Variants in AKAP6 observed in about 807,000 individuals in gnomAD.
The protein encoded by AKAP6 is A-kinase anchoring protein 6, also known as A-kinase anchor protein 6.
A neutral mutation model predicts 188.5 loss-of-function variants in AKAP6; 58 were observed. The ratio of observed to expected loss-of-function variants is 0.31; its 90% CI spans 0.25 to 0.38. AKAP6 has a LOEUF of 0.38. Ranked by LOEUF, AKAP6 falls within the 10% of genes least tolerant of loss-of-function variation. AKAP6 has a pLI of 1.00. For missense variants in AKAP6, 2,710 were observed against 2,740.0 expected, an observed-to-expected ratio of 0.99 and a Z score of 0.24; for synonymous variants, 989 against 998.6, an observed-to-expected ratio of 0.99 and a Z score of 0.18.
chr14:32,774,650 A>G (rs1045021578), intron 12 of AKAP6, among the ~76,000 whole-genome samples: 2 of 152,210 alleles, frequency 1.3e-5, no homozygotes, highest in Admixed American at 1.3e-4. Flanking sequence ...GAAAGAATTT[A>G]TCGATAAAAA....
intron 7 of AKAP6, among the ~76,000 whole-genome samples, chr14:32,633,449 C>T (rs1188614011): frequency 1.3e-5 from 2 of 152,164 alleles, no homozygotes; most frequent in Middle Eastern, 3.4e-3. Context: ...GAGGATTATA[C>T]ACCCCTGTCT....
At position 32,834,533 on chromosome 14, in the gene AKAP6, CTTTTTTTTTTTT is replaced by C. The variant is rs11417769; in HGVS notation, c.*4738_*4749del. On this transcript the variant is annotated 3_prime_UTR_variant, in exon 14 of 14. Transcript: ENST00000280979. ...CACACACTGCTTTTAGTTTCCAAGT[CTTTTTTTTTTTT>C]TTTTTTTTTAAATCTTGCATAGTTT... 1.9e-5 allele frequency: 2 copies of C among 103,874 alleles called. No homozygotes were observed. Among genetic ancestry groups the C allele is most frequent in the Non-Finnish European group, 3.7e-5 (2 of 54,306 alleles). 6.4% of individuals were successfully genotyped at this position (103,874 alleles called of 1,614,324 possible).
chr14:32,661,784 G>A (rs1351145038), intron 7 of AKAP6, among the ~76,000 whole-genome samples: 1 of 152,066 alleles, frequency 6.6e-6, no homozygotes, highest in Non-Finnish European at 1.5e-5. Context: ...ATGTGACTTT[G>A]GACAAAGTAA....
chr14:32,538,181 G>A (rs547845052), intron 3 of AKAP6, among the ~76,000 whole-genome samples: 1 of 152,192 alleles, frequency 6.6e-6, no homozygotes, highest in South Asian at 2.1e-4. Context: ...GACTCTATGA[G>A]GATGTTTAAA....
At chr14:32,642,240 G>T (rs146462876) in intron 7 of AKAP6, among the ~76,000 whole-genome samples, 1 of 152,118 alleles carries the variant, frequency 6.6e-6, no homozygotes, top group East Asian at 1.9e-4. Flanking sequence ...TACCAAAATG[G>T]TTGTGTTTAT....
At chr14:32,596,080 C>G (rs1033581177) in intron 5 of AKAP6, among the ~76,000 whole-genome samples, 1 of 152,138 alleles carries the variant, frequency 6.6e-6, no homozygotes, top group Non-Finnish European at 1.5e-5. Context: ...CCTGGCAAAA[C>G]TAACAGTATT....
chr14:32,464,854 C>T lies in AKAP6; in HGVS notation c.324+31037C>T, dbSNP rs138869640. Among the ~76,000 whole-genome samples, 900 of 152,310 alleles carry T rather than the reference C, an allele frequency of 5.9e-3. 6 individuals carry two copies. Among genetic ancestry groups the T allele is most frequent in the African/African-American group, 0.021 (862 of 41,556 alleles). On this transcript the variant is annotated intron_variant, in intron 2 of 13. Transcript: ENST00000280979. ...TTGTATATTTAGAAAACCCCATTGT[C>T]TCAGCGCAGAAACTCCTTAAGCTGT...
intron 7 of AKAP6, among the ~76,000 whole-genome samples, chr14:32,645,162 A>G (rs1887931769): frequency 6.6e-6 from 1 of 152,094 alleles, no homozygotes; most frequent in African/African-American, 2.4e-5. Flanking sequence ...TTAAATTTTG[A>G]CTCTGTATAT....
At chr14:32,379,146 C>T (rs1290449210) in intron 1 of AKAP6, among the ~76,000 whole-genome samples, 1 of 152,096 alleles carries the variant, frequency 6.6e-6, no homozygotes, top group Non-Finnish European at 1.5e-5. Flanking sequence ...GTCTCAAACT[C>T]CTGACCTCAG....
At chr14:32,734,934 C>T (rs1054590782) in intron 10 of AKAP6, among the ~76,000 whole-genome samples, 2 of 152,144 alleles carry the variant, frequency 1.3e-5, no homozygotes, top group Non-Finnish European at 2.9e-5. Context: ...AAGAAAACAG[C>T]CCTCCCCGAC....
At chr14:32,547,689 T>A (rs1186236734) in intron 4 of AKAP6, among the ~76,000 whole-genome samples, 1 of 151,966 alleles carries the variant, frequency 6.6e-6, no homozygotes, top group Non-Finnish European at 1.5e-5. Context: ...AGACCCCATC[T>A]CTATATTAGC....
chr14:32,802,405 T>C (rs897792378), intron 12 of AKAP6, among the ~76,000 whole-genome samples: 5 of 152,144 alleles, frequency 3.3e-5, no homozygotes, highest in Non-Finnish European at 7.4e-5. Context: ...ATTCACAAAG[T>C]AATAAATACA....
At chr14:32,508,879 G>T (rs1289765935) in intron 2 of AKAP6, among the ~76,000 whole-genome samples, 1 of 151,296 alleles carries the variant, frequency 6.6e-6, no homozygotes, top group South Asian at 2.1e-4. Context: ...AGGCTGGAGT[G>T]CAGTGGTGCA....
intron 12 of AKAP6, among the ~76,000 whole-genome samples, chr14:32,800,113 T>TACACATATATATAC (rs1174430981): frequency 2.7e-5 from 4 of 145,686 alleles, no homozygotes; most frequent in Non-Finnish European, 4.5e-5. Flanking sequence ...GAAATATATA[T>TACACATATATATAC]ACACATATAT....
chr14:32,582,957 G>A (rs1238573852), intron 5 of AKAP6, among the ~76,000 whole-genome samples: 2 of 151,900 alleles, frequency 1.3e-5, no homozygotes, highest in South Asian at 2.1e-4. Context: ...GCTCGGAGTA[G>A]TTTGATCATC....
chr14:32,705,949 C>A (rs570721345), intron 9 of AKAP6, among the ~76,000 whole-genome samples: 41 of 152,228 alleles, frequency 2.7e-4, no homozygotes, highest in Non-Finnish European at 5.0e-4. Flanking sequence ...CATGTCAGTT[C>A]CACTCAAAAT....
At chr14:32,652,179 C>T (rs1217760671) in intron 7 of AKAP6, among the ~76,000 whole-genome samples, 1 of 152,144 alleles carries the variant, frequency 6.6e-6, no homozygotes, top group Non-Finnish European at 1.5e-5. Context: ...AAGTTTACCA[C>T]TTTCTTTTCT....
Position 32,433,680 on chromosome 14 carries a change from G to A in AKAP6, c.187G>A (p.Asp63Asn), listed in dbSNP as rs780825564. 6.2e-7 allele frequency: 1 copy of A among 1,614,192 alleles called. No individual in the cohort carries two copies. Among genetic ancestry groups the A allele is most frequent in the South Asian group, 1.1e-5 (1 of 91,082 alleles). Reference sequence around the variant, plus strand: ...GCCACCCCCACTACACACAGGGGCTGACTGGAAGATTGTCCTCCACTTACC... The same window carrying A: ...GCCACCCCCACTACACACAGGGGCTAACTGGAAGATTGTCCTCCACTTACC... ...EKPPPLHTGADWKIVLHLPEI... is the reference protein window; with the variant it reads ...EKPPPLHTGANWKIVLHLPEI... The change falls in exon 2 of 14, where the codon GAC (aspartate) becomes AAC (asparagine). Residue 63 changes from aspartate (D) to asparagine (N), a missense_variant. Coordinates refer to ENST00000280979, the MANE Select transcript of AKAP6 (RefSeq NM_004274.5).
intron 5 of AKAP6, among the ~76,000 whole-genome samples, chr14:32,590,661 T>C (rs1350193874): frequency 2.0e-5 from 3 of 152,300 alleles, no homozygotes; most frequent in East Asian, 3.9e-4. Flanking sequence ...TTGTTTGGTA[T>C]ATCTGTGACA....
Sources: allele counts gnomAD v4.1 joint callset (sites outside exome capture counted in the v4.1 genomes callset), GRCh38; gene constraint gnomAD v4.1.1; transcripts MANE v1.5; gene names NCBI Gene and HGNC (gene_info 2026-07-23, HGNC 2026-07-21).